The following ZNF503 variants were observed in gnomAD, a reference collection of about 807,000 sequenced individuals.
The protein encoded by ZNF503 is NocA-like zinc finger 2.
Under a neutral mutation model 34.4 loss-of-function variants are expected in ZNF503, and 15 were observed. The observed-to-expected ratio is 0.44, with a 90% CI of 0.29 to 0.67. The LOEUF (loss-of-function observed/expected upper bound fraction) is 0.67. ZNF503 is among the 30% of genes least tolerant of loss of function. ZNF503 has a pLI of 0.13. For missense variants in ZNF503, 1,007 were observed against 926.8 expected (o/e 1.09, Z -1.12); for synonymous variants, 580 against 456.8 (o/e 1.27, Z -3.44).
chr10:75,300,435 C>T, the ZNF503 span, among the ~76,000 whole-genome samples: 5 of 151,950 alleles, frequency 3.3e-5, no homozygotes, highest in South Asian at 2.1e-4. Flanking sequence ...ACGAAAATGA[C>T]GGGATTAAGG....
chr10:75,310,799 C>T, the ZNF503 span, among the ~76,000 whole-genome samples: 1 of 152,060 alleles, frequency 6.6e-6, no homozygotes, highest in African/African-American at 2.4e-5. Context: ...ACTACCTGCA[C>T]CTAGCAATAA....
chr10:75,332,286 C>CA, the ZNF503 span, among the ~76,000 whole-genome samples: 3 of 151,926 alleles, frequency 2.0e-5, no homozygotes, highest in African/African-American at 7.2e-5. Flanking sequence ...TATGTTATGC[C>CA]TTTTCACTGT....
chr10:75,385,660 A>G, the ZNF503 span, among the ~76,000 whole-genome samples: 1 of 152,292 alleles, frequency 6.6e-6, no homozygotes, highest in African/African-American at 2.4e-5. Flanking sequence ...ACTGGTTACA[A>G]TTTAGCCTTG....
Position 75,399,209 on chromosome 10 carries a change from G to A in ZNF503, c.1481C>T (p.Ser494Phe), listed in dbSNP as rs1399429234. ...GGGGTAGAGGGGGTGGCCGGCCAGG[G>A]AGGGCGGTGTGGCGCCAGCAGCCGC... ...AAAAAGATPPSLAGHPLYPYG... is the reference protein window; with the variant it reads ...AAAAAGATPPFLAGHPLYPYG... Residue 494 changes from serine to phenylalanine, a missense_variant, in exon 2 of 2, where the codon TCC (serine) becomes TTC (phenylalanine). Physicochemically the swap from Ser to Phe is radical, Grantham distance 155 (BLOSUM62 -2). Coordinates refer to ENST00000372524, the MANE Select transcript of ZNF503 (RefSeq NM_032772.6). 4.4e-6 allele frequency: 7 copies of A among 1,596,932 alleles called. No homozygotes were observed. Among genetic ancestry groups the A allele is most frequent in the Non-Finnish European group, 8.5e-7 (1 of 1,170,342 alleles).
the ZNF503 span, among the ~76,000 whole-genome samples, chr10:75,332,902 G>C: frequency 7.0e-6 from 1 of 142,344 alleles, no homozygotes; most frequent in Non-Finnish European, 1.5e-5. Flanking sequence ...GCAACCATCC[G>C]AATTCTCAAT....
chr10:75,355,219 C>T, the ZNF503 span, among the ~76,000 whole-genome samples: 1 of 152,232 alleles, frequency 6.6e-6, no homozygotes, highest in Non-Finnish European at 1.5e-5. Context: ...ACGTTAAAAC[C>T]TTGAGACAAG....
At chr10:75,391,561 G>T in the ZNF503 span, among the ~76,000 whole-genome samples, 1 of 152,186 alleles carries the variant, frequency 6.6e-6, no homozygotes, top group Non-Finnish European at 1.5e-5. Flanking sequence ...GTCAGCAAAT[G>T]CTATTTCCAG....
downstream of ZNF503, among the ~76,000 whole-genome samples, chr10:75,393,973 C>T (rs1211082411): frequency 6.6e-6 from 1 of 152,222 alleles, no homozygotes; most frequent in African/African-American, 2.4e-5. Flanking sequence ...GTTCACCACA[C>T]CCTCCTCTAG....
the ZNF503 span, among the ~76,000 whole-genome samples, chr10:75,368,002 G>A: frequency 6.6e-6 from 1 of 152,136 alleles, no homozygotes; most frequent in African/African-American, 2.4e-5. Context: ...CTTGGGGAAG[G>A]CCCAGTAAAC....
the ZNF503 span, among the ~76,000 whole-genome samples, chr10:75,367,431 G>C: frequency 6.6e-6 from 1 of 152,214 alleles, no homozygotes; most frequent in Admixed American, 6.5e-5. Context: ...CATTCCCAGA[G>C]GTTTGGTGGC....
At position 75,401,108 on chromosome 10, in the gene ZNF503, G is replaced by A. The variant is rs200314259; in HGVS notation, c.312C>T (p.Ile104=). The part of the protein sequence containing the change: ...QPLPSTPVSP[I]ELDAKKSPLA... ...GATCCAGAGAGAGGGTCCTTACCTC[G>A]ATGGGGCTGACCGGCGTGGAAGGCA... The change falls in exon 1 of 2, where the codon ATC becomes ATT. Residue 104 remains isoleucine, a synonymous_variant. Coordinates refer to ENST00000372524, the MANE Select transcript of ZNF503 (RefSeq NM_032772.6). 2.9e-5 allele frequency: 46 copies of A among 1,613,734 alleles called. No homozygotes were observed. The East Asian group carries it at 9.8e-4, about 34-fold the overall frequency.
chr10:75,377,715 T>C, the ZNF503 span, among the ~76,000 whole-genome samples: 1 of 152,326 alleles, frequency 6.6e-6, no homozygotes, highest in Admixed American at 6.5e-5. Flanking sequence ...GGTTGCTGCA[T>C]GGAGTAATTG....
rs1271405401 is a variant in ZNF503 at position 75,398,956 on chromosome 10, C to T, written c.1734G>A (p.Ser578=). ...GCGTCCCAGGGCTGCCCGGTGCGCC[C>T]GAGGTGGGGATGTGCATGTGGCAAG... ...AMACHMHIPT[S]GAPGSPGTLA... is the part of the protein sequence containing the mutation. Residue 578 remains serine (S), a synonymous_variant, in exon 2 of 2, where the codon TCG becomes TCA. Coordinates refer to ENST00000372524, the MANE Select transcript of ZNF503 (RefSeq NM_032772.6). The T allele has an allele frequency of 6.9e-6, 11 of 1,601,776 alleles. No homozygotes were observed. Among genetic ancestry groups the T allele is most frequent in the Non-Finnish European group, 7.6e-6 (9 of 1,177,880 alleles).
At chr10:75,366,788 C>T in the ZNF503 span, among the ~76,000 whole-genome samples, 1 of 152,224 alleles carries the variant, frequency 6.6e-6, no homozygotes, top group Non-Finnish European at 1.5e-5. Flanking sequence ...CAGTGACCAA[C>T]AGGATCATTG....
At chr10:75,342,257 C>T in the ZNF503 span, among the ~76,000 whole-genome samples, 1 of 152,286 alleles carries the variant, frequency 6.6e-6, no homozygotes, top group Non-Finnish European at 1.5e-5. Flanking sequence ...TCCCTTCCTC[C>T]AGACAGACGC....
chr10:75,398,988 C>T lies in ZNF503; in HGVS notation c.1702G>A (p.Ala568Thr), dbSNP rs1312354928. The T allele has an allele frequency of 1.1e-5, 18 of 1,605,282 alleles. No homozygotes were observed. The highest frequency in any genetic ancestry group is 1.5e-5 in the Non-Finnish European group (18 of 1,179,120). Residue 568 changes from alanine to threonine, a missense_variant, in exon 2 of 2, where the codon GCC (alanine) becomes ACC (threonine). By Grantham distance (58) the Ala-to-Thr change is moderately conservative. Transcript: ENST00000372524. ...GGGATGTGCATGTGGCAAGCCATGG[C>T]GGCCGCGGCAGCGCTGGCCAGAGAC... is the stretch of plus-strand genomic sequence containing the variant. ...SSSLASAAAA[A>T]MACHMHIPTS...
chr10:75,343,662 C>T, the ZNF503 span, among the ~76,000 whole-genome samples: 3 of 152,204 alleles, frequency 2.0e-5, no homozygotes, highest in African/African-American at 4.8e-5. Context: ...GGAGCCCTGC[C>T]CAGTGACTCC....
the ZNF503 span, among the ~76,000 whole-genome samples, chr10:75,301,079 CTGT>C: frequency 4.9e-4 from 75 of 152,156 alleles, no homozygotes; most frequent in African/African-American, 1.7e-3. Flanking sequence ...CTTATGGTTA[CTGT>C]TTGCTTGGGA....
the ZNF503 span, among the ~76,000 whole-genome samples, chr10:75,299,229 C>G: frequency 1.3e-5 from 2 of 152,170 alleles, no homozygotes; most frequent in Non-Finnish European, 2.9e-5. Flanking sequence ...CCATGCTCAG[C>G]CTTGTTTAAC....
Sources: gnomAD v4.1 joint callset for allele counts (sites outside exome capture counted in the v4.1 genomes callset) on GRCh38, gnomAD v4.1.1 for gene constraint, MANE v1.5 for transcripts, NCBI Gene and HGNC (gene_info 2026-07-23, HGNC 2026-07-21) for gene names.